CALN1: variants seen among roughly 807,000 people sequenced by gnomAD.
CALN1 encodes the protein calcium-binding protein 8.
In CALN1, 17 loss-of-function variants were observed where a neutral mutation model predicts 30.6. The ratio of observed to expected loss-of-function variants is 0.56; its 90% CI spans 0.38 to 0.83. The LOEUF is 0.83. Ranked by LOEUF, CALN1 falls within the 40% of genes least tolerant of loss-of-function variation. The pLI, the probability that CALN1 is intolerant of heterozygous loss-of-function variation, is 0.00. For synonymous variants in CALN1, 156 were observed against 131.4 expected, an observed-to-expected ratio of 1.19 and a Z score of -1.28; for missense variants, 291 against 354.9, an observed-to-expected ratio of 0.82 and a Z score of 1.45.
At chr7:72,051,891 C>A (rs1802858163) in intron 4 of CALN1, among the ~76,000 whole-genome samples, 2 of 152,182 alleles carry the variant, frequency 1.3e-5, no homozygotes, top group Non-Finnish European at 2.9e-5. Flanking sequence ...ATAATCCTTT[C>A]TCGACAAAGT....
At position 72,234,509 on chromosome 7, in the gene CALN1, C is replaced by CG. The variant is rs201109227; in HGVS notation, c.244+44176dup. Among the ~76,000 whole-genome samples, 1,065 of 152,162 alleles carry CG rather than the reference C, an allele frequency of 7.0e-3. 15 individuals are homozygous for CG. Among genetic ancestry groups the CG allele is most frequent in the African/African-American group, 0.025 (1,030 of 41,522 alleles). Reference sequence around the variant, plus strand: ...TCACCGAGGCTGGAATGCCATGGCGCGATCTCGGCTCACTGCAACCTCTGC... The same window carrying CG: ...TCACCGAGGCTGGAATGCCATGGCGCGGATCTCGGCTCACTGCAACCTCTGC... On this transcript the variant is annotated intron_variant, in intron 3 of 6. Transcript: ENST00000395275.
At chr7:72,361,472 C>T (rs1368465780) in intron 2 of CALN1, among the ~76,000 whole-genome samples, 1 of 152,198 alleles carries the variant, frequency 6.6e-6, no homozygotes, top group Non-Finnish European at 1.5e-5. Context: ...CACCACTGCA[C>T]TCCAGCCTGG....
intron 5 of CALN1, among the ~76,000 whole-genome samples, chr7:71,842,640 C>T (rs1199951139): frequency 2.0e-5 from 3 of 152,158 alleles, no homozygotes; most frequent in Non-Finnish European, 4.4e-5. Flanking sequence ...CAACGTTCAC[C>T]GATGCCTGCA....
chr7:71,812,501 T>C (rs12699098), intron 5 of CALN1, among the ~76,000 whole-genome samples: 56,853 of 151,918 alleles, frequency 0.37, 11,295 homozygotes, highest in East Asian at 0.6. Flanking sequence ...AGTCCAGTGG[T>C]TTTAGGTAAA....
At chr7:72,276,681 C>A (rs768090604) in intron 3 of CALN1, among the ~76,000 whole-genome samples, 10 of 151,976 alleles carry the variant, frequency 6.6e-5, no homozygotes, top group Non-Finnish European at 1.0e-4. Flanking sequence ...GAGTTTAGCC[C>A]TCTCTTGCTC....
Position 72,080,855 on chromosome 7 carries a change from T to A in CALN1, c.388+25296A>T, listed in dbSNP as rs543442279. On this transcript the variant is annotated intron_variant, in intron 4 of 6. Transcript: ENST00000395275. ...ATGGCTGTTCTCAACAGGTTTGAGA[T>A]CGTGTTAGTGTGCGTATTACAGAGA... 3.3e-4 allele frequency among the ~76,000 whole-genome samples: 50 copies of A among 152,182 alleles called. 1 individual carries two copies. The highest frequency in any genetic ancestry group is 6.8e-3 in the Middle Eastern group (2 of 294).
chr7:71,920,806 G>T (rs996966588), intron 5 of CALN1, among the ~76,000 whole-genome samples: 1 of 152,046 alleles, frequency 6.6e-6, no homozygotes, highest in Non-Finnish European at 1.5e-5. Context: ...AGAACCTTGC[G>T]GCAATTTCTC....
At chr7:72,380,618 CAG>C (rs1418369234) in intron 2 of CALN1, among the ~76,000 whole-genome samples, 14 of 152,074 alleles carry the variant, frequency 9.2e-5, no homozygotes, top group Non-Finnish European at 1.5e-4. Flanking sequence ...GTCCTAGCAT[CAG>C]AGTCATATTA....
intron 3 of CALN1, among the ~76,000 whole-genome samples, chr7:72,199,586 C>A (rs766291696): frequency 9.2e-5 from 14 of 152,164 alleles, no homozygotes; most frequent in Non-Finnish European, 1.5e-4. Flanking sequence ...CACAGTGGTG[C>A]CCGTCTGTAA....
chr7:71,790,690 G>A lies in CALN1; in HGVS notation c.659-2788C>T, dbSNP rs117743112. On this transcript the variant is annotated intron_variant, in intron 6 of 6. Transcript: ENST00000395275. The stretch of plus-strand genomic sequence containing the variant: ...CAGCACCAGCGCCAGCTGAGAGTTT[G>A]ATACAAATGAGATTCTCAGCCCTAT... Among the ~76,000 whole-genome samples the A allele has an allele frequency of 5.3e-3, 813 of 152,330 alleles. 26 individuals carry two copies. In the East Asian group the frequency reaches 0.093, roughly 17 times the overall value.
chr7:71,847,729 GAAGA>G (rs1790361623), intron 5 of CALN1, among the ~76,000 whole-genome samples: 1 of 118,390 alleles, frequency 8.4e-6, no homozygotes, highest in Admixed American at 9.2e-5. Context: ...GAAGAAGAAA[GAAGA>G]AAGAAGAAAG....
intron 4 of CALN1, among the ~76,000 whole-genome samples, chr7:72,089,095 T>A (rs1805679965): frequency 6.6e-6 from 1 of 152,090 alleles, no homozygotes; most frequent in Non-Finnish European, 1.5e-5. Context: ...TGATATTTTT[T>A]AAATTGAAAA....
In CALN1 at chr7:72,127,972, G is replaced by GA. The variant is rs200604244; in HGVS notation, c.245-21679dup. Among the ~76,000 whole-genome samples, 433 of 151,814 alleles carry GA rather than the reference G, an allele frequency of 2.9e-3. 10 individuals are homozygous for GA. The highest frequency in any genetic ancestry group is 0.026 in the Admixed American group (399 of 15,234). ...TGGGTTTTGCTTCACAATATTCCAT[G>GA]AAAAAAAATGGTGGGGGCAGGAGTG... On this transcript the variant is annotated intron_variant, in intron 3 of 6. Coordinates refer to ENST00000395275, the MANE Select transcript of CALN1 (RefSeq NM_031468.4).
At chr7:72,240,755 G>A (rs1585243041) in intron 3 of CALN1, among the ~76,000 whole-genome samples, 2 of 152,326 alleles carry the variant, frequency 1.3e-5, no homozygotes, top group Non-Finnish European at 1.5e-5. Context: ...AGTGTGGGCA[G>A]TGTTCTTGGA....
At chr7:72,413,972 G>T (rs887941294), upstream of CALN1, among the ~76,000 whole-genome samples, 2 of 152,000 alleles carry the variant, frequency 1.3e-5, no homozygotes, top group African/African-American at 2.4e-5. Flanking sequence ...CATGATGTCT[G>T]CTGTCTCCAA....
At chr7:72,328,782 G>GC (rs1341695250) in intron 2 of CALN1, among the ~76,000 whole-genome samples, 3 of 152,156 alleles carry the variant, frequency 2.0e-5, no homozygotes, top group African/African-American at 7.2e-5. Context: ...TGCAACCTCC[G>GC]CCTCCTGGGT....
intron 2 of CALN1, among the ~76,000 whole-genome samples, chr7:72,385,613 TC>T (rs1291205408): frequency 1.3e-5 from 2 of 152,170 alleles, no homozygotes. Flanking sequence ...TGGCTCTGTG[TC>T]CCCACCCAAT....
intron 5 of CALN1, among the ~76,000 whole-genome samples, chr7:71,975,220 T>C (rs1019932685): frequency 1.3e-5 from 2 of 152,128 alleles, no homozygotes; most frequent in Non-Finnish European, 2.9e-5. Context: ...CGTGCTAGCC[T>C]CTTGTTCCAC....
chr7:72,093,044 T>C (rs1805981507), intron 4 of CALN1, among the ~76,000 whole-genome samples: 1 of 152,176 alleles, frequency 6.6e-6, no homozygotes. Context: ...TAACTTAGCC[T>C]ATCCTTACTG....
Sources: allele counts gnomAD v4.1 joint callset (sites outside exome capture counted in the v4.1 genomes callset), GRCh38; gene constraint gnomAD v4.1.1; transcripts MANE v1.5; gene names NCBI Gene and HGNC (gene_info 2026-07-23, HGNC 2026-07-21).